BTAF1: variants seen among roughly 807,000 people sequenced by gnomAD.
BTAF1 encodes the protein TATA-binding protein-associated factor 172.
BTAF1 carries 38 observed loss-of-function variants against 227.1 expected under a neutral mutation model. The ratio of observed to expected loss-of-function variants is 0.17; its 90% CI spans 0.13 to 0.22. The LOEUF is 0.22. BTAF1 is among the 10% of genes least tolerant of loss of function. BTAF1 has a pLI of 1.00. For synonymous variants in BTAF1, 742 were observed against 751.9 expected (o/e 0.99, Z 0.21); for missense variants, 1,598 against 2,204.0 (o/e 0.73, Z 5.51).
At chr10:91,983,874 G>A (rs898898174) in intron 18 of BTAF1, among the ~76,000 whole-genome samples, 1 of 149,968 alleles carries the variant, frequency 6.7e-6, no homozygotes, top group African/African-American at 2.4e-5. Flanking sequence ...ATTAGTGCTT[G>A]ATAGATTTCT....
chr10:92,004,409 C>CTGGAAA (rs1438747028), intron 25 of BTAF1, among the ~76,000 whole-genome samples: 2 of 152,214 alleles, frequency 1.3e-5, no homozygotes, highest in East Asian at 1.9e-4. Context: ...ATTTGTAATG[C>CTGGAAA]TGGAAATAAC....
chr10:91,953,918 G>T, intron 6 of BTAF1, 45 bp downstream of exon 6: 1 of 1,605,270 alleles, frequency 6.2e-7, no homozygotes, highest in South Asian at 1.1e-5. Flanking sequence ...AGAGGGCTCT[G>T]TGGCTTTAAT....
Position 91,982,634 on chromosome 10 carries a change from T to C in BTAF1, c.2096T>C (p.Val699Ala). The C allele has an allele frequency of 1.2e-6, 2 of 1,613,858 alleles. No homozygotes were observed. The highest frequency in any genetic ancestry group is 1.7e-6 in the Non-Finnish European group (2 of 1,179,856). Residue 699 changes from valine to alanine, a missense_variant, in exon 18 of 38, where the codon GTG becomes GCG. Around this residue, in one of 10 missense-constraint regions of BTAF1, gnomAD observed 318 missense variants for 435.0 expected, o/e 0.73. Transcript: ENST00000265990. The part of the protein sequence containing the change: ...CCCICDPGVN[V>A]VTQEIKPAES... ...TGTATTTGTGATCCAGGTGTAAATG[T>C]GGTAACTCAAGAAATTAAACCAGCT...
In BTAF1 at chr10:92,007,240, A is replaced by G. The variant is rs1325724982; in HGVS notation, c.3661-883A>G. On this transcript the variant is annotated intron_variant, in intron 25 of 37. Coordinates refer to ENST00000265990, the MANE Select transcript of BTAF1 (RefSeq NM_003972.3). The stretch of plus-strand genomic sequence containing the variant: ...TTTTTTTTTTTTTTTTTTTTTTGAG[A>G]TGGAGTCTCGCTGTGTCACCCAGGC... Among the ~76,000 whole-genome samples, 206 of 74,304 alleles carry G rather than the reference A, an allele frequency of 2.8e-3. 1 individual carries two copies. The highest frequency in any genetic ancestry group is 0.019 in the Middle Eastern group (1 of 52). The allele number at this position is 74,304 out of a possible 152,430, so 48.7% of individuals were successfully genotyped here. A position where few individuals can be genotyped will look rare whatever the true frequency, so the allele number is the denominator to read the frequency against.
intron 34 of BTAF1, among the ~76,000 whole-genome samples, chr10:92,022,798 C>G (rs1399948815): frequency 1.3e-5 from 2 of 152,128 alleles, no homozygotes; most frequent in African/African-American, 4.8e-5. Flanking sequence ...AAAGAAACAG[C>G]TGAATAGTAA....
chr10:92,011,106 A>G lies in BTAF1; in HGVS notation c.4137A>G (p.Ile1379Met). ...LQHQVKRHNL[I>M]VASYDVVRND... ...ACCAAGTAAAAAGGCACAATCTAAT[A>G]GTGGCTTCATATGATGTTGTGAGGA... The change falls in exon 29 of 38, where the codon ATA becomes ATG. Residue 1379 changes from isoleucine (I) to methionine (M), a missense_variant. Physicochemically the swap from Ile to Met is conservative, Grantham distance 10. Around this residue, in one of 10 missense-constraint regions of BTAF1, gnomAD observed 184 missense variants for 341.1 expected, o/e 0.54. Transcript: ENST00000265990. 1 of 1,607,036 alleles carries G rather than the reference A, an allele frequency of 6.2e-7. No homozygotes were observed. The highest frequency in any genetic ancestry group is 1.1e-5 in the South Asian group (1 of 88,684).
chr10:91,971,491 A>G (rs1386282882), intron 14 of BTAF1, among the ~76,000 whole-genome samples: 3 of 71,266 alleles, frequency 4.2e-5, no homozygotes, highest in South Asian at 4.3e-4. Flanking sequence ...TTTTTTTTTG[A>G]GATGGAGTTT....
In BTAF1 at chr10:91,994,607, C is replaced by T. The variant is rs984742956; in HGVS notation, c.3272C>T (p.Thr1091Ile). The T allele has an allele frequency of 1.7e-5, 28 of 1,613,838 alleles. No homozygotes were observed. The highest frequency in any genetic ancestry group is 2.4e-5 in the Non-Finnish European group (28 of 1,179,874). The change falls in exon 23 of 38, where the codon ACA becomes ATA. Residue 1091 changes from threonine to isoleucine, a missense_variant. This residue lies in a region of BTAF1 where 425 missense variants were observed against 491.2 expected (regional missense o/e 0.87). Coordinates refer to ENST00000265990, the MANE Select transcript of BTAF1 (RefSeq NM_003972.3). ...GTGAATTCTCTGCAGGTTTTTGAAA[C>T]AGCAGCAGCTTCAATGGATTCTGAG... ...ELVNSLQVFE[T>I]AAASMDSELH...
In BTAF1 at chr10:91,944,965, A is replaced by G. The variant is rs1476863278; in HGVS notation, c.400+2397A>G. Among the ~76,000 whole-genome samples the G allele has an allele frequency of 2.6e-5, 4 of 152,328 alleles. No individual in the cohort carries two copies. The East Asian group carries it at 7.7e-4, about 29-fold the overall frequency. On this transcript the variant is annotated intron_variant, in intron 4 of 37. Transcript: ENST00000265990. ...ACAGTTGCCTACAGTATTTAGTAAC[A>G]TGCTATACAGGTTTGTAGCCTAGGA... is the stretch of plus-strand genomic sequence containing the variant.
At chr10:91,959,228 A>C in intron 9 of BTAF1, 74 bp downstream of exon 9, 1 of 1,605,926 alleles carries the variant, frequency 6.2e-7, no homozygotes, top group Non-Finnish European at 8.5e-7. Flanking sequence ...GGAAGTAACG[A>C]GTATGTGCCG....
intron 25 of BTAF1, among the ~76,000 whole-genome samples, chr10:91,999,125 C>T (rs577504471): frequency 2.7e-5 from 4 of 149,944 alleles, no homozygotes; most frequent in South Asian, 2.1e-4. Context: ...TAAGTCTTTG[C>T]GTGGATGTGT....
rs746835684 is a variant in BTAF1, at chr10:92,030,549, G to A, written c.*1616G>A. Among the ~76,000 whole-genome samples, 1 of 152,054 alleles carries A rather than the reference G, an allele frequency of 6.6e-6. No homozygotes were observed. The highest frequency in any genetic ancestry group is 1.5e-5 in the Non-Finnish European group (1 of 67,968). On this transcript the variant is annotated 3_prime_UTR_variant, in exon 38 of 38. Transcript: ENST00000265990. ...AGTAATTGATATTTTCTTAGAATAA[G>A]TACAGAGCAATATATCATTAAAGGG...
chr10:91,971,514 C>T (rs1190849405), intron 14 of BTAF1, among the ~76,000 whole-genome samples: 1 of 149,632 alleles, frequency 6.7e-6, no homozygotes, highest in Non-Finnish European at 1.5e-5. Flanking sequence ...CTCTTGTTGC[C>T]CAGGCTGGAG....
In BTAF1 at chr10:91,939,989, G is replaced by A; in HGVS notation, c.176G>A (p.Arg59Gln). The change falls in exon 3 of 38, where the codon CGG (arginine) becomes CAG (glutamine). Residue 59 changes from arginine (R) to glutamine (Q), a missense_variant. Around this residue, in one of 10 missense-constraint regions of BTAF1, gnomAD observed 298 missense variants for 395.2 expected, o/e 0.75. Coordinates refer to ENST00000265990, the MANE Select transcript of BTAF1 (RefSeq NM_003972.3). ...TTAAGGAGTGCAAATTGGGATACCC[G>A]GATTGCAGCAGGACAAGCTGTTGAA... is the stretch of plus-strand genomic sequence containing the variant. ...IYLRSANWDT[R>Q]IAAGQAVEAI... The A allele has an allele frequency of 6.2e-7, 1 of 1,612,572 alleles. No homozygotes were observed.
rs950039223 is a variant in BTAF1, at chr10:91,948,201, C to A, written c.401-3202C>A. ...AGGCCCCGGTGTGCGACGTTCCTCC[C>A]CCTGTGTCCAAGTGTTCTCATTGTT... On this transcript the variant is annotated intron_variant, in intron 4 of 37. Coordinates refer to ENST00000265990, the MANE Select transcript of BTAF1 (RefSeq NM_003972.3). Among the ~76,000 whole-genome samples, 73 of 144,456 alleles carry A rather than the reference C, an allele frequency of 5.1e-4. 1 individual carries two copies. Among genetic ancestry groups the A allele is most frequent in the African/African-American group, 1.8e-3 (71 of 39,634 alleles). 94.8% of individuals were successfully genotyped at this position (144,456 alleles called of 152,430 possible). A position where few individuals can be genotyped will look rare whatever the true frequency, so the allele number is the denominator to read the frequency against.
chr10:91,993,846 T>C lies in BTAF1; in HGVS notation c.3198T>C (p.Phe1066=), dbSNP rs780615851. ...GGAATACAATCGACATAAATAATTTTGGTATACACATATTTTTATGAGTCC... is the reference window on the plus strand; with the variant it reads ...GGAATACAATCGACATAAATAATTTCGGTATACACATATTTTTATGAGTCC... ...PLRNTIDINN[F]DGKSLLDKGD... is the part of the protein sequence containing the mutation. The change falls in exon 22 of 38, where the codon TTT becomes TTC. Residue 1066 remains phenylalanine (F), a splice_region_variant and synonymous_variant. Coordinates refer to ENST00000265990, the MANE Select transcript of BTAF1 (RefSeq NM_003972.3). The C allele has an allele frequency of 1.3e-6, 2 of 1,582,522 alleles. No individual in the cohort carries two copies. The highest frequency in any genetic ancestry group is 1.2e-5 in the South Asian group (1 of 84,792).
chr10:92,009,359 A>G (rs1253402441), intron 28 of BTAF1, 151 bp downstream of exon 28: 1 of 849,130 alleles, frequency 1.2e-6, no homozygotes, highest in African/African-American at 1.7e-5. Flanking sequence ...CTTTGGGAAG[A>G]TATAATCAGT....
intron 19 of BTAF1, among the ~76,000 whole-genome samples, chr10:91,987,824 C>T (rs747008626): frequency 5.9e-5 from 9 of 152,130 alleles, no homozygotes; most frequent in Non-Finnish European, 8.8e-5. Flanking sequence ...TGCGCAAGTA[C>T]GCTACACTTA....
At position 92,016,361 on chromosome 10, in the gene BTAF1, G is replaced by A; in HGVS notation, c.4606G>A (p.Ala1536Thr). 1 of 1,597,980 alleles carries A rather than the reference G, an allele frequency of 6.3e-7. No homozygotes were observed. The highest frequency in any genetic ancestry group is 1.2e-5 in the South Asian group (1 of 86,622). Residue 1536 changes from alanine (A) to threonine (T), a missense_variant, in exon 33 of 38, where the codon GCT becomes ACT. Physicochemically the swap from Ala to Thr is moderately conservative, Grantham distance 58. This residue lies in a region of BTAF1 where 205 missense variants were observed against 244.5 expected (regional missense o/e 0.84). Coordinates refer to ENST00000265990, the MANE Select transcript of BTAF1 (RefSeq NM_003972.3). ...PLQVQLYEDF[A>T]KSRAKCDVDE... The stretch of plus-strand genomic sequence containing the variant: ...ACAGGTTCAGCTCTATGAAGATTTT[G>A]CTAAGTCTCGTGCCAAGTGTGATGT...
Sources: gnomAD v4.1 joint callset for allele counts (sites outside exome capture counted in the v4.1 genomes callset) on GRCh38, gnomAD v4.1.1 for gene constraint, gnomAD v4.1.1 regional missense constraint, MANE v1.5 for transcripts, NCBI Gene and HGNC (gene_info 2026-07-23, HGNC 2026-07-21) for gene names.